Variants in CNTN4 observed in about 807,000 individuals in gnomAD.
The protein encoded by CNTN4 is contactin 4, also known as contactin-4.
A neutral mutation model predicts 122.5 loss-of-function variants in CNTN4; 77 were observed. The observed-to-expected ratio is 0.63, with a 90% CI of 0.52 to 0.76. The LOEUF (loss-of-function observed/expected upper bound fraction) is 0.76, where lower values mean the gene tolerates loss of function less well. Ranked by LOEUF, CNTN4 falls within the 30% of genes least tolerant of loss-of-function variation. The probability of loss-of-function intolerance (pLI) is 0.00; values close to 1 mark genes in which losing one functional copy is unlikely to be tolerated. For missense variants in CNTN4, 1,256 were observed against 1,259.1 expected, an observed-to-expected ratio of 1.00 and a Z score of 0.04; for synonymous variants, 512 against 447.0, an observed-to-expected ratio of 1.15 and a Z score of -1.83.
chr3:2,373,043 T>C (rs1392368022), intron 3 of CNTN4, among the ~76,000 whole-genome samples: 1 of 152,158 alleles, frequency 6.6e-6, no homozygotes, highest in East Asian at 1.9e-4. Flanking sequence ...TAAGACTCTG[T>C]CTCAAAAATC....
At chr3:2,522,365 C>G (rs1294926585) in intron 3 of CNTN4, among the ~76,000 whole-genome samples, 1 of 152,066 alleles carries the variant, frequency 6.6e-6, no homozygotes, top group Non-Finnish European at 1.5e-5. Context: ...CACAGAGACT[C>G]TAACAAACGA....
At chr3:2,834,849 A>T (rs1385860084) in intron 7 of CNTN4, among the ~76,000 whole-genome samples, 3 of 151,540 alleles carry the variant, frequency 2.0e-5, no homozygotes. Flanking sequence ...TATTAGTTTT[A>T]GACCAAGCAT....
chr3:2,724,196 C>A (rs1177241627), intron 4 of CNTN4, among the ~76,000 whole-genome samples: 2 of 152,090 alleles, frequency 1.3e-5, no homozygotes, highest in Admixed American at 6.6e-5. Context: ...TTTGTTTATC[C>A]TTCTCTGACA....
chr3:2,425,113 T>A (rs368311092), intron 3 of CNTN4, among the ~76,000 whole-genome samples: 3 of 152,152 alleles, frequency 2.0e-5, no homozygotes, highest in Non-Finnish European at 4.4e-5. Flanking sequence ...TGTTGCCATT[T>A]CTTTTGGTAT....
In CNTN4 at chr3:2,986,959, G is replaced by A. The variant is rs912624766; in HGVS notation, c.1359-1386G>A. Among the ~76,000 whole-genome samples, 4 of 152,180 alleles carry A rather than the reference G, an allele frequency of 2.6e-5. No homozygotes were observed. The South Asian group carries it at 8.3e-4, about 31-fold the overall frequency. ...AAATAAAATTTCCTGATTGAATTTA[G>A]TGGGAAGAAATAAAGTGGCTGCAGG... On this transcript the variant is annotated intron_variant, in intron 13 of 24. Transcript: ENST00000418658.
chr3:2,238,219 A>T (rs1341729597), intron 2 of CNTN4, among the ~76,000 whole-genome samples: 3 of 152,100 alleles, frequency 2.0e-5, no homozygotes, highest in African/African-American at 7.2e-5. Context: ...GGAATAATAA[A>T]TATGTATTAT....
intron 3 of CNTN4, among the ~76,000 whole-genome samples, chr3:2,522,382 C>CT (rs1460096372): frequency 6.6e-6 from 1 of 151,928 alleles, no homozygotes; most frequent in Non-Finnish European, 1.5e-5. Context: ...ACGATGTAGT[C>CT]TTAAATATCA....
intron 23 of CNTN4, among the ~76,000 whole-genome samples, chr3:3,046,650 G>A (rs552359188): frequency 6.6e-5 from 10 of 152,188 alleles, no homozygotes; most frequent in African/African-American, 2.2e-4. Flanking sequence ...GAAAGGAACA[G>A]CCAGTACCAG....
chr3:2,183,783 G>T (rs2037126907), intron 2 of CNTN4, among the ~76,000 whole-genome samples: 1 of 152,092 alleles, frequency 6.6e-6, no homozygotes, highest in South Asian at 2.1e-4. Flanking sequence ...GAGAATGATA[G>T]TCACATAACC....
chr3:2,290,607 A>T (rs2149991220), intron 2 of CNTN4, among the ~76,000 whole-genome samples: 1 of 152,338 alleles, frequency 6.6e-6, no homozygotes. Context: ...GAATGAAATC[A>T]CAATTGTCAA....
At chr3:2,294,288 C>CTTT (rs71058604) in intron 2 of CNTN4, among the ~76,000 whole-genome samples, 60 of 135,610 alleles carry the variant, frequency 4.4e-4, no homozygotes, top group African/African-American at 1.4e-3. Flanking sequence ...AGAGTTGTGA[C>CTTT]TTTTTTTTTT....
At chr3:2,406,384 A>G (rs974537367) in intron 3 of CNTN4, among the ~76,000 whole-genome samples, 3 of 152,214 alleles carry the variant, frequency 2.0e-5, no homozygotes, top group African/African-American at 7.2e-5. Flanking sequence ...CAAACCTAAC[A>G]TGAAGGACAC....
chr3:2,862,411 T>G (rs1284754353), intron 7 of CNTN4, among the ~76,000 whole-genome samples: 1 of 152,206 alleles, frequency 6.6e-6, no homozygotes, highest in Non-Finnish European at 1.5e-5. Context: ...TTAAGTGAGC[T>G]TCAGAGTTAA....
At chr3:2,922,617 T>A (rs2094439627) in intron 12 of CNTN4, among the ~76,000 whole-genome samples, 1 of 146,876 alleles carries the variant, frequency 6.8e-6, no homozygotes, top group African/African-American at 2.5e-5. Flanking sequence ...GATTTTTTTT[T>A]TTTTTTTTTT....
At chr3:2,934,959 T>G (rs1354463026) in intron 13 of CNTN4, among the ~76,000 whole-genome samples, 1 of 147,242 alleles carries the variant, frequency 6.8e-6, no homozygotes, top group East Asian at 2.0e-4. Context: ...TACTTCAGTT[T>G]GTCTCTCCTA....
At chr3:2,466,283 C>G (rs1314259323) in intron 3 of CNTN4, among the ~76,000 whole-genome samples, 1 of 152,122 alleles carries the variant, frequency 6.6e-6, no homozygotes, top group African/African-American at 2.4e-5. Flanking sequence ...CTAATATATC[C>G]TGCACGTTCT....
intron 2 of CNTN4, among the ~76,000 whole-genome samples, chr3:2,253,111 T>A (rs1468702452): frequency 1.3e-5 from 2 of 150,666 alleles, no homozygotes; most frequent in South Asian, 4.2e-4. Flanking sequence ...AATTAGTAGT[T>A]TCATTTTTTT....
intron 2 of CNTN4, among the ~76,000 whole-genome samples, chr3:2,134,082 A>G (rs2034575207): frequency 2.6e-5 from 4 of 152,196 alleles, no homozygotes; most frequent in Admixed American, 2.6e-4. Flanking sequence ...ATTGGAAAAG[A>G]CTATGGAGTC....
chr3:2,925,679 A>G lies in CNTN4; in HGVS notation c.1258A>G (p.Lys420Glu). ...ACTCTTGAAAAGAGTAACTCTTGTC[A>G]AAGTGGGAGGTGAAGTTGTCATTGA... ...RTLLKRVTLV[K>E]VGGEVVIECK... Residue 420 changes from lysine to glutamate, a missense_variant, in exon 13 of 25, where the codon AAA (lysine) becomes GAA (glutamate). By Grantham distance (56) the Lys-to-Glu change is moderately conservative. Transcript: ENST00000418658. 6.2e-7 allele frequency: 1 copy of G among 1,614,104 alleles called. No individual in the cohort carries two copies. Among genetic ancestry groups the G allele is most frequent in the Non-Finnish European group, 8.5e-7 (1 of 1,179,954 alleles).
Sources: allele counts gnomAD v4.1 joint callset (sites outside exome capture counted in the v4.1 genomes callset), GRCh38; gene constraint gnomAD v4.1.1; transcripts MANE v1.5; gene names NCBI Gene and HGNC (gene_info 2026-07-23, HGNC 2026-07-21).